NRG1: variants seen among roughly 807,000 people sequenced by gnomAD.
NRG1 encodes pro-neuregulin-1, membrane-bound isoform.
A neutral mutation model predicts 63.8 loss-of-function variants in NRG1; 18 were observed. The ratio of observed to expected loss-of-function variants is 0.28; its 90% CI spans 0.19 to 0.42. The LOEUF (loss-of-function observed/expected upper bound fraction) is 0.42, where lower values mean the gene tolerates loss of function less well. Among genes scored for constraint, NRG1 ranks in the 10% least tolerant of loss-of-function variants. The pLI is 1.00. For missense variants in NRG1, 762 were observed against 814.7 expected (o/e 0.94, Z 0.79); for synonymous variants, 302 against 301.3 (o/e 1.00, Z -0.02).
intron 1 of NRG1, among the ~76,000 whole-genome samples, chr8:32,461,670 C>T (rs1462688392): frequency 1.3e-5 from 2 of 151,916 alleles, no homozygotes; most frequent in African/African-American, 4.8e-5. Flanking sequence ...CCAGCCTGGG[C>T]GACAAAAGCG....
At chr8:32,222,040 C>T (rs754762963) in intron 1 of NRG1, among the ~76,000 whole-genome samples, 16,582 of 146,292 alleles carry the variant, frequency 0.11, 1,074 homozygotes, top group Middle Eastern at 0.2. Flanking sequence ...TACATACACA[C>T]ACACACACAC....
chr8:32,336,034 T>G (rs1400373018), intron 1 of NRG1, among the ~76,000 whole-genome samples: 3 of 151,916 alleles, frequency 2.0e-5, no homozygotes, highest in Non-Finnish European at 4.4e-5. Flanking sequence ...CACCGGAAAT[T>G]GTACCCAAAG....
chr8:32,123,436 A>G (rs1043229777), intron 1 of NRG1, among the ~76,000 whole-genome samples: 2 of 151,888 alleles, frequency 1.3e-5, no homozygotes, highest in Non-Finnish European at 2.9e-5. Flanking sequence ...GCCTTCTGCC[A>G]TGAATTTGAG....
intron 1 of NRG1, among the ~76,000 whole-genome samples, chr8:31,735,675 CTA>C (rs1814587101): frequency 6.6e-6 from 1 of 152,158 alleles, no homozygotes. Flanking sequence ...TGATGTAAAT[CTA>C]TATATTTGCC....
At chr8:31,855,680 C>G (rs201952260) in intron 1 of NRG1, among the ~76,000 whole-genome samples, 2 of 152,144 alleles carry the variant, frequency 1.3e-5, no homozygotes, top group Admixed American at 6.5e-5. Context: ...TATTTTGCTC[C>G]TTAGTTGATG....
At chr8:31,802,848 C>A (rs1821920888) in intron 1 of NRG1, among the ~76,000 whole-genome samples, 1 of 152,036 alleles carries the variant, frequency 6.6e-6, no homozygotes, top group Admixed American at 6.5e-5. Context: ...AGTTGTTGGA[C>A]TTTGTAGAAT....
At chr8:31,763,927 G>T (rs1482431050) in intron 1 of NRG1, among the ~76,000 whole-genome samples, 1 of 150,204 alleles carries the variant, frequency 6.7e-6, no homozygotes, top group Non-Finnish European at 1.5e-5. Context: ...TCCAGCCTGG[G>T]TGACAGAGCA....
intron 1 of NRG1, among the ~76,000 whole-genome samples, chr8:32,466,165 C>CT (rs1300350561): frequency 3.9e-5 from 6 of 151,942 alleles, no homozygotes; most frequent in African/African-American, 1.5e-4. Flanking sequence ...ACATAAGTAA[C>CT]TAAGTAAGTA....
At chr8:31,793,850 T>C (rs1412782754) in intron 1 of NRG1, among the ~76,000 whole-genome samples, 1 of 152,172 alleles carries the variant, frequency 6.6e-6, no homozygotes, top group Non-Finnish European at 1.5e-5. Context: ...AGTACCACCT[T>C]TGAACAGCAT....
chr8:32,636,661 G>T (rs150697897), intron 5 of NRG1, among the ~76,000 whole-genome samples: 24 of 152,204 alleles, frequency 1.6e-4, no homozygotes, highest in African/African-American at 5.8e-4. Flanking sequence ...CCCAGGGATC[G>T]AAGTATAGCA....
At chr8:32,317,681 A>G (rs1176629793) in intron 1 of NRG1, among the ~76,000 whole-genome samples, 1 of 152,234 alleles carries the variant, frequency 6.6e-6, no homozygotes, top group Non-Finnish European at 1.5e-5. Flanking sequence ...CAAAGACAAA[A>G]CAGAAATAAA....
chr8:32,042,438 C>T (rs1184819134), intron 1 of NRG1, among the ~76,000 whole-genome samples: 1 of 150,040 alleles, frequency 6.7e-6, no homozygotes, highest in African/African-American at 2.5e-5. Flanking sequence ...AGAGCAAGAC[C>T]TAAAAATTAA....
chr8:31,761,181 T>G (rs1460269077), intron 1 of NRG1, among the ~76,000 whole-genome samples: 3 of 152,120 alleles, frequency 2.0e-5, no homozygotes, highest in African/African-American at 7.2e-5. Context: ...AAATCATTAT[T>G]CTCAGTAAAC....
At chr8:32,081,867 G>A (rs1039189989) in intron 1 of NRG1, among the ~76,000 whole-genome samples, 5 of 152,046 alleles carry the variant, frequency 3.3e-5, no homozygotes, top group African/African-American at 9.7e-5. Flanking sequence ...TGCAACCCAG[G>A]AGGCTCTTTG....
chr8:32,751,831 CAT>C (rs1250854302), intron 7 of NRG1, among the ~76,000 whole-genome samples: 10 of 152,226 alleles, frequency 6.6e-5, no homozygotes, highest in African/African-American at 2.4e-4. Context: ...CATCATGCAC[CAT>C]ATGTTTCCAA....
intron 1 of NRG1, among the ~76,000 whole-genome samples, chr8:31,953,517 G>A (rs1469249573): frequency 3.9e-5 from 6 of 152,300 alleles, no homozygotes; most frequent in African/African-American, 1.4e-4. Flanking sequence ...AGACACGAAT[G>A]TAGTTGTGTC....
At chr8:31,843,668 C>T (rs1053000392) in intron 1 of NRG1, among the ~76,000 whole-genome samples, 1 of 152,128 alleles carries the variant, frequency 6.6e-6, no homozygotes, top group African/African-American at 2.4e-5. Flanking sequence ...GTGTTTATGA[C>T]ATTAATAAGA....
intron 1 of NRG1, among the ~76,000 whole-genome samples, chr8:32,452,655 T>G (rs755531272): frequency 4.0e-5 from 6 of 149,876 alleles, no homozygotes; most frequent in Non-Finnish European, 5.9e-5. Context: ...CATTACATGT[T>G]TCAAAAGATA....
intron 5 of NRG1, among the ~76,000 whole-genome samples, chr8:32,631,188 TG>T (rs751273225): frequency 3.0e-4 from 45 of 152,142 alleles, no homozygotes; most frequent in Non-Finnish European, 5.7e-4. Context: ...AATGTATTAT[TG>T]TAATTAAAAA....
Sources: allele counts gnomAD v4.1 joint callset (sites outside exome capture counted in the v4.1 genomes callset), GRCh38; gene constraint gnomAD v4.1.1; transcripts MANE v1.5; gene names NCBI Gene and HGNC (gene_info 2026-07-23, HGNC 2026-07-21).